FAM227B: variants seen among roughly 807,000 people sequenced by gnomAD.
FAM227B encodes the protein family with sequence similarity 227 member B, also known as protein FAM227B.
FAM227B carries 88 observed loss-of-function variants against 73.8 expected under a neutral mutation model. The ratio of observed to expected loss-of-function variants is 1.19; its 90% CI spans 1.00 to 1.42. FAM227B has a LOEUF of 1.42. FAM227B is among the 40% of genes most tolerant of loss of function. The pLI is 0.00. For synonymous variants in FAM227B, 210 were observed against 190.5 expected (o/e 1.10, Z -0.84); for missense variants, 632 against 590.9 (o/e 1.07, Z -0.72).
intron 15 of FAM227B, 76 bp from the exon 16 acceptor site, chr15:49,328,751 C>A: frequency 1.3e-6 from 2 of 1,488,628 alleles, no homozygotes; most frequent in South Asian, 1.4e-5. Flanking sequence ...TGTGAGATTT[C>A]TCCAGTTATC....
chr15:49,351,228 A>G (rs1437039697), intron 13 of FAM227B, among the ~76,000 whole-genome samples: 1 of 152,190 alleles, frequency 6.6e-6, no homozygotes, highest in Non-Finnish European at 1.5e-5. Context: ...CAAATAAAAT[A>G]TTTTCAGTTT....
chr15:49,506,550 T>C (rs1245653149), intron 11 of FAM227B, among the ~76,000 whole-genome samples: 2 of 152,000 alleles, frequency 1.3e-5, no homozygotes, highest in Non-Finnish European at 2.9e-5. Flanking sequence ...TTCTGAACCA[T>C]AAAACAAGTC....
At chr15:49,502,720 T>A (rs8036139) in intron 11 of FAM227B, among the ~76,000 whole-genome samples, 1 of 152,118 alleles carries the variant, frequency 6.6e-6, no homozygotes, top group East Asian at 1.9e-4. Flanking sequence ...TTTTGCAATG[T>A]GAGAAGGACA....
chr15:49,432,113 A>C (rs569630277), intron 11 of FAM227B, among the ~76,000 whole-genome samples: 1 of 151,842 alleles, frequency 6.6e-6, no homozygotes, highest in East Asian at 1.9e-4. Flanking sequence ...ACATGTTTCA[A>C]TATCCTCAAA....
chr15:49,592,848 G>A (rs2076662834), intron 3 of FAM227B, among the ~76,000 whole-genome samples: 1 of 152,234 alleles, frequency 6.6e-6, no homozygotes, highest in Admixed American at 6.5e-5. Context: ...GCTCCACCCA[G>A]TTCAAGCTTC....
intron 13 of FAM227B, among the ~76,000 whole-genome samples, chr15:49,360,816 T>C (rs2151398914): frequency 6.6e-6 from 1 of 152,304 alleles, no homozygotes; most frequent in East Asian, 1.9e-4. Context: ...TTATCATCCT[T>C]ATAAATAAAT....
chr15:49,376,351 G>A (rs931748321), intron 11 of FAM227B, among the ~76,000 whole-genome samples: 2 of 152,006 alleles, frequency 1.3e-5, no homozygotes, highest in Non-Finnish European at 2.9e-5. Context: ...GAATACCCCA[G>A]TTGTCACAGC....
intron 12 of FAM227B, 199 bp from the exon 13 acceptor site, chr15:49,367,807 C>A: frequency 3.2e-6 from 1 of 313,936 alleles, no homozygotes; most frequent in Non-Finnish European, 5.7e-6. Context: ...CTCTTCTACT[C>A]TTTTGAGTTA....
chr15:49,431,531 A>T (rs2050617614), intron 11 of FAM227B, among the ~76,000 whole-genome samples: 1 of 151,726 alleles, frequency 6.6e-6, no homozygotes, highest in African/African-American at 2.4e-5. Context: ...TCATTCTCAG[A>T]GGAAAAAAAT....
At chr15:49,588,395 T>G (rs1450973079) in intron 4 of FAM227B, among the ~76,000 whole-genome samples, 1 of 150,662 alleles carries the variant, frequency 6.6e-6, no homozygotes, top group Non-Finnish European at 1.5e-5. Flanking sequence ...TTCAAATAGC[T>G]CAGCCACTTA....
intron 9 of FAM227B, among the ~76,000 whole-genome samples, chr15:49,565,573 A>G (rs978331156): frequency 2.8e-4 from 42 of 152,234 alleles, no homozygotes; most frequent in African/African-American, 9.9e-4. Flanking sequence ...ATTTATAATC[A>G]CACATTAAGC....
chr15:49,474,947 T>A (rs1339386743), intron 11 of FAM227B, among the ~76,000 whole-genome samples: 6 of 152,018 alleles, frequency 3.9e-5, no homozygotes, highest in African/African-American at 1.4e-4. Context: ...CAGAATTAAT[T>A]CCAGATGAAT....
Position 49,589,872 on chromosome 15 carries a change from G to C in FAM227B, c.241C>G (p.Leu81Val). ...WENVPRIFEA[L>V]LIMESKLKEY... is the part of the protein sequence containing the mutation. ...TTTAATTTTGATTCCATGATCAAAA[G>C]TGCTTCAAATATTCGAGGAACATTT... Residue 81 changes from leucine (L) to valine (V), a missense_variant, in exon 4 of 16, where the codon CTT (leucine) becomes GTT (valine). Transcript: ENST00000299338. The C allele has an allele frequency of 6.2e-7, 1 of 1,606,320 alleles. No homozygotes were observed. Among genetic ancestry groups the C allele is most frequent in the Non-Finnish European group, 8.5e-7 (1 of 1,173,012 alleles).
At position 49,489,883 on chromosome 15, in the gene FAM227B, T is replaced by TATATATATATAGAG. The variant is rs1555505060; in HGVS notation, c.1012+18327_1012+18328insCTCTATATATATAT. On this transcript the variant is annotated intron_variant, in intron 11 of 15. Coordinates refer to ENST00000299338, the MANE Select transcript of FAM227B (RefSeq NM_152647.3). ...TTTTATATATATATATATATATATATAGAGAGAGAGAGAGAGAGAGAGAGA... is the reference window on the plus strand; with the variant it reads ...TTTTATATATATATATATATATATATATATATATATAGAGAGAGAGAGAGAGAGAGAGAGAGAGA... Among the ~76,000 whole-genome samples the TATATATATATAGAG allele has an allele frequency of 3.5e-4, 8 of 22,948 alleles. 2 individuals are homozygous for TATATATATATAGAG. Among genetic ancestry groups the TATATATATATAGAG allele is most frequent in the Non-Finnish European group, 6.0e-4 (6 of 10,034 alleles). The allele number at this position is 22,948 out of a possible 152,430, so 15.1% of individuals were successfully genotyped here.
intron 13 of FAM227B, among the ~76,000 whole-genome samples, chr15:49,342,575 T>C (rs1279418061): frequency 6.6e-6 from 1 of 152,176 alleles, no homozygotes; most frequent in African/African-American, 2.4e-5. Context: ...TATCGTGAAG[T>C]TGTTAGCTGG....
intron 10 of FAM227B, among the ~76,000 whole-genome samples, chr15:49,514,599 G>C (rs2059257603): frequency 6.6e-6 from 1 of 151,946 alleles, no homozygotes; most frequent in Non-Finnish European, 1.5e-5. Context: ...TTTTTAAATT[G>C]AGATGTTTGA....
intron 11 of FAM227B, among the ~76,000 whole-genome samples, chr15:49,439,727 GCAGA>G (rs1182711197): frequency 1.3e-5 from 2 of 151,654 alleles, no homozygotes; most frequent in Non-Finnish European, 3.0e-5. Flanking sequence ...TTCTCTTACT[GCAGA>G]CAGAGGGAGG....
chr15:49,337,886 T>C (rs1435641867), intron 13 of FAM227B, among the ~76,000 whole-genome samples: 5 of 152,246 alleles, frequency 3.3e-5, no homozygotes. Flanking sequence ...TGCCACATTT[T>C]CTTTATCCAG....
intron 13 of FAM227B, among the ~76,000 whole-genome samples, chr15:49,355,284 A>T (rs2042950995): frequency 6.6e-6 from 1 of 152,206 alleles, no homozygotes; most frequent in African/African-American, 2.4e-5. Flanking sequence ...AGACTATCAA[A>T]TTACTCTGAG....
Sources: gnomAD v4.1 joint callset for allele counts (sites outside exome capture counted in the v4.1 genomes callset) on GRCh38, gnomAD v4.1.1 for gene constraint, MANE v1.5 for transcripts, NCBI Gene and HGNC (gene_info 2026-07-23, HGNC 2026-07-21) for gene names.